CTNNA3: variants seen among roughly 807,000 people sequenced by gnomAD.
CTNNA3 encodes catenin alpha-3.
In CTNNA3, 76 loss-of-function variants were observed where a neutral mutation model predicts 95.7. That is an observed-to-expected ratio of 0.79 (90% confidence interval 0.66 to 0.96). The LOEUF is 0.96. Ranked by LOEUF, CTNNA3 falls within the 40% of genes least tolerant of loss-of-function variation. The pLI is 0.00. For synonymous variants in CTNNA3, 431 were observed against 374.4 expected (o/e 1.15, Z -1.74); for missense variants, 1,191 against 1,089.8 (o/e 1.09, Z -1.31).
chr10:67,508,762 T>A (rs1463491916), intron 5 of CTNNA3, among the ~76,000 whole-genome samples: 2 of 152,048 alleles, frequency 1.3e-5, no homozygotes, highest in African/African-American at 4.8e-5. Flanking sequence ...ATACATCCAA[T>A]AAGAGGTTAG....
chr10:65,944,889 TATCTATCTATC>T (rs201245040), intron 17 of CTNNA3, among the ~76,000 whole-genome samples: 11,488 of 112,982 alleles, frequency 0.1, 632 homozygotes, highest in South Asian at 0.16. Flanking sequence ...TCTATCTATC[TATCTATCTATC>T]ATCTATCTAT....
intron 9 of CTNNA3, among the ~76,000 whole-genome samples, chr10:66,661,865 T>C (rs922988213): frequency 1.3e-5 from 2 of 152,152 alleles, no homozygotes; most frequent in Non-Finnish European, 2.9e-5. Context: ...TCAACATTTC[T>C]TATTAATTTT....
chr10:66,796,027 C>T (rs1169606386), intron 7 of CTNNA3, among the ~76,000 whole-genome samples: 1 of 152,130 alleles, frequency 6.6e-6, no homozygotes, highest in African/African-American at 2.4e-5. Flanking sequence ...ACCTCTAAAA[C>T]TGTCCTCATA....
At chr10:67,592,700 C>G (rs768436222) in intron 3 of CTNNA3, among the ~76,000 whole-genome samples, 9 of 152,098 alleles carry the variant, frequency 5.9e-5, no homozygotes, top group Non-Finnish European at 1.3e-4. Flanking sequence ...AAAAAATAAA[C>G]TCAAAACAGA....
chr10:67,502,410 C>A (rs913329378), intron 5 of CTNNA3, among the ~76,000 whole-genome samples: 3 of 152,176 alleles, frequency 2.0e-5, no homozygotes, highest in African/African-American at 7.2e-5. Context: ...CTGTCAACTC[C>A]TGCTGGGAAG....
chr10:67,003,813 T>C (rs192833932), intron 7 of CTNNA3, among the ~76,000 whole-genome samples: 14 of 152,286 alleles, frequency 9.2e-5, no homozygotes, highest in Non-Finnish European at 1.5e-4. Flanking sequence ...AATAGATTCA[T>C]GTGTTGTCTC....
intron 3 of CTNNA3, among the ~76,000 whole-genome samples, chr10:67,586,778 A>G (rs1842639833): frequency 6.6e-6 from 1 of 152,084 alleles, no homozygotes; most frequent in South Asian, 2.1e-4. Context: ...CAGGTAGTCC[A>G]TTTATGTTCA....
intron 3 of CTNNA3, among the ~76,000 whole-genome samples, chr10:67,571,794 T>C (rs1841989015): frequency 1.3e-5 from 2 of 152,222 alleles, no homozygotes; most frequent in South Asian, 4.1e-4. Context: ...TGACTGCATG[T>C]GGCCGCTGAG....
At chr10:66,031,683 A>G (rs976908232) in intron 15 of CTNNA3, among the ~76,000 whole-genome samples, 2 of 152,220 alleles carry the variant, frequency 1.3e-5, no homozygotes, top group African/African-American at 2.4e-5. Context: ...TGCATGTAAC[A>G]TATCTGCACA....
chr10:67,740,260 T>C (rs1589586278), intron 1 of CTNNA3, among the ~76,000 whole-genome samples: 1 of 152,140 alleles, frequency 6.6e-6, no homozygotes, highest in East Asian at 1.9e-4. Flanking sequence ...AAAGACTTCA[T>C]GTCTAAAACA....
chr10:66,314,603 A>C (rs2092072960), intron 12 of CTNNA3, among the ~76,000 whole-genome samples: 1 of 152,088 alleles, frequency 6.6e-6, no homozygotes, highest in Non-Finnish European at 1.5e-5. Context: ...AGAATATAGA[A>C]TCTTCAATAA....
intron 1 of CTNNA3, among the ~76,000 whole-genome samples, chr10:67,719,493 C>T (rs1320426983): frequency 2.0e-5 from 3 of 152,012 alleles, no homozygotes; most frequent in Non-Finnish European, 4.4e-5. Context: ...GATTCTGGTA[C>T]TTTGTGTCTT....
In CTNNA3 at chr10:66,946,969, C is replaced by A. The variant is rs143836323; in HGVS notation, c.1048-171445G>T. Among the ~76,000 whole-genome samples the A allele has an allele frequency of 3.2e-3, 494 of 152,190 alleles. 1 individual carries two copies. Among genetic ancestry groups the A allele is most frequent in the Middle Eastern group, 6.8e-3 (2 of 294 alleles). ...TTAGAATATTTTGCATTTTTAAAAT[C>A]TATTCATGTACACAACCAGCTCCAA... is the stretch of plus-strand genomic sequence containing the variant. On this transcript the variant is annotated intron_variant, in intron 7 of 17. Transcript: ENST00000433211.
intron 7 of CTNNA3, among the ~76,000 whole-genome samples, chr10:67,017,255 T>C (rs7900716): frequency 0.11 from 16,961 of 152,216 alleles, 1,174 homozygotes; most frequent in South Asian, 0.28. Flanking sequence ...TTACTGAAAT[T>C]GCCAACTTCA....
At chr10:66,154,624 C>T (rs900304861) in intron 13 of CTNNA3, among the ~76,000 whole-genome samples, 2 of 149,448 alleles carry the variant, frequency 1.3e-5, no homozygotes, top group Non-Finnish European at 1.5e-5. Context: ...CAACAATTTT[C>T]GTCAAAGGCA....
chr10:67,228,699 T>C (rs745853096), intron 5 of CTNNA3, among the ~76,000 whole-genome samples: 4 of 152,148 alleles, frequency 2.6e-5, no homozygotes, highest in Non-Finnish European at 5.9e-5. Flanking sequence ...TGAACACCTT[T>C]ATGCAGATAA....
rs150710369 is a variant in CTNNA3, at chr10:66,063,194, G to GTATATA, written c.2159+6108_2159+6113dup. The stretch of plus-strand genomic sequence containing the variant: ...CTTTCCAGCCAATGACTGGATACAT[G>GTATATA]TATATATATATATATATATAGATAT... On this transcript the variant is annotated intron_variant, in intron 15 of 17. Coordinates refer to ENST00000433211, the MANE Select transcript of CTNNA3 (RefSeq NM_013266.4). Among the ~76,000 whole-genome samples, 972 of 119,848 alleles carry GTATATA rather than the reference G, an allele frequency of 8.1e-3. 8 individuals carry two copies. Among genetic ancestry groups the GTATATA allele is most frequent in the African/African-American group, 0.03 (910 of 30,024 alleles). 78.6% of individuals were successfully genotyped at this position (119,848 alleles called of 152,430 possible). A position where few individuals can be genotyped will look rare whatever the true frequency, so the allele number is the denominator to read the frequency against.
intron 5 of CTNNA3, among the ~76,000 whole-genome samples, chr10:67,321,551 A>C (rs988474598): frequency 6.6e-6 from 1 of 152,186 alleles, no homozygotes. Flanking sequence ...AGATCCCAAC[A>C]CAGACCATAA....
intron 7 of CTNNA3, among the ~76,000 whole-genome samples, chr10:66,816,543 T>C (rs1318610145): frequency 2.0e-5 from 3 of 152,048 alleles, no homozygotes; most frequent in African/African-American, 7.2e-5. Flanking sequence ...ACTGACAGTA[T>C]TGAAAGAACA....
Sources: allele counts gnomAD v4.1 joint callset (sites outside exome capture counted in the v4.1 genomes callset), GRCh38; gene constraint gnomAD v4.1.1; transcripts MANE v1.5; gene names NCBI Gene and HGNC (gene_info 2026-07-23, HGNC 2026-07-21).